VEGFC: variants seen among roughly 807,000 people sequenced by gnomAD.
VEGFC encodes FLT4 ligand DHM.
VEGFC carries 12 observed loss-of-function variants against 46.1 expected under a neutral mutation model. The ratio of observed to expected loss-of-function variants is 0.26; its 90% CI spans 0.17 to 0.42. VEGFC has a LOEUF of 0.42. Among genes scored for constraint, VEGFC ranks in the 10% least tolerant of loss-of-function variants. The probability of loss-of-function intolerance (pLI) is 1.00; values close to 1 mark genes in which losing one functional copy is unlikely to be tolerated. For missense variants in VEGFC, 488 were observed against 529.4 expected, an observed-to-expected ratio of 0.92 and a Z score of 0.77; for synonymous variants, 232 against 195.5, an observed-to-expected ratio of 1.19 and a Z score of -1.56.
At chr4:176,728,316 G>A (rs969597458) in intron 2 of VEGFC, among the ~76,000 whole-genome samples, 2 of 152,150 alleles carry the variant, frequency 1.3e-5, no homozygotes, top group African/African-American at 4.8e-5. Flanking sequence ...GATGTGCAGA[G>A]AGAGTCATGT....
At chr4:176,699,002 AATG>A (rs777738901) in intron 4 of VEGFC, among the ~76,000 whole-genome samples, 2 of 152,348 alleles carry the variant, frequency 1.3e-5, no homozygotes, top group Non-Finnish European at 2.9e-5. Context: ...ATTCAAAATG[AATG>A]ATAACATTAA....
intron 5 of VEGFC, 72 bp downstream of exon 5, chr4:176,687,741 ATGTGTGGT>A (rs1347865287): frequency 9.1e-7 from 1 of 1,097,950 alleles, no homozygotes; most frequent in African/African-American, 1.6e-5. Flanking sequence ...TGAATATTAT[ATGTGTGGT>A]TTTAATATTA....
In VEGFC at chr4:176,792,228, G is replaced by C. The variant is rs375054343; in HGVS notation, c.84C>G (p.Ala28=). Residue 28 remains alanine (A), a synonymous_variant, in exon 1 of 7, where the codon GCC becomes GCG. Transcript: ENST00000618562. The surrounding 1 kb of genome is among the most constrained non-coding windows in gnomAD (Gnocchi z 6.3). ...CGAGTCCGGACTCGAAGGCGGCGGC[G>C]GCGGCGGGCGCCTCGCGAGGACCCG... ...LLPGPREAPA[A]AAAFESGLDL... The C allele has an allele frequency of 2.6e-6, 4 of 1,557,540 alleles. No homozygotes were observed. The highest frequency in any genetic ancestry group is 3.5e-6 in the Non-Finnish European group (4 of 1,155,212).
chr4:176,760,499 T>C (rs943946086), intron 1 of VEGFC, among the ~76,000 whole-genome samples: 11 of 152,212 alleles, frequency 7.2e-5, no homozygotes, highest in Admixed American at 2.0e-4. Context: ...ACTGTCTATA[T>C]ATTCTTAATA....
At chr4:176,694,242 G>T (rs1365434057) in intron 4 of VEGFC, among the ~76,000 whole-genome samples, 3 of 150,284 alleles carry the variant, frequency 2.0e-5, no homozygotes, top group Admixed American at 6.6e-5. Flanking sequence ...CCCATCTCAC[G>T]TGCAGAGACA....
chr4:176,763,963 C>T (rs993622648), intron 1 of VEGFC, among the ~76,000 whole-genome samples: 4 of 152,012 alleles, frequency 2.6e-5, no homozygotes, highest in Non-Finnish European at 5.9e-5. Context: ...AATGTGTTCC[C>T]TTAGTCACTA....
chr4:176,776,596 T>C (rs1007393450), intron 1 of VEGFC, among the ~76,000 whole-genome samples: 1 of 152,178 alleles, frequency 6.6e-6, no homozygotes, highest in African/African-American at 2.4e-5. Flanking sequence ...CAAGGCCACC[T>C]ACAGAAGAGT....
chr4:176,784,827 T>C (rs1466088309), intron 1 of VEGFC, among the ~76,000 whole-genome samples: 1 of 121,406 alleles, frequency 8.2e-6, no homozygotes, highest in East Asian at 2.5e-4. Context: ...AAAGAAAAAA[T>C]TAAAAATTAA....
At chr4:176,738,692 A>G (rs150282138) in intron 1 of VEGFC, among the ~76,000 whole-genome samples, 105 of 152,196 alleles carry the variant, frequency 6.9e-4, no homozygotes, top group African/African-American at 2.3e-3. Flanking sequence ...AAAAGCAAAG[A>G]TTGACGAATG....
intron 1 of VEGFC, among the ~76,000 whole-genome samples, chr4:176,732,008 T>C: frequency 6.6e-6 from 1 of 152,052 alleles, no homozygotes; most frequent in East Asian, 1.9e-4. Context: ...GAAAAGCTAT[T>C]ATATTTATAC....
intron 1 of VEGFC, among the ~76,000 whole-genome samples, chr4:176,764,330 T>C (rs1033716342): frequency 7.9e-5 from 12 of 152,210 alleles, no homozygotes; most frequent in African/African-American, 2.4e-4. Flanking sequence ...TTCACAGAGC[T>C]GGAGAGACAA....
rs1191375448 is a variant in VEGFC at position 176,792,239 on chromosome 4, C to G, written c.73G>C (p.Ala25Pro). 27 of 1,556,802 alleles carry G rather than the reference C, an allele frequency of 1.7e-5. No homozygotes were observed. The highest frequency in any genetic ancestry group is 2.3e-5 in the Non-Finnish European group (26 of 1,154,790). Reference sequence around the variant, plus strand: ...TCGAAGGCGGCGGCGGCGGCGGGCGCCTCGCGAGGACCCGGGAGCAGCGCA... The same window carrying G: ...TCGAAGGCGGCGGCGGCGGCGGGCGGCTCGCGAGGACCCGGGAGCAGCGCA... ...AAALLPGPRE[A>P]PAAAAAFESG... The change falls in exon 1 of 7, where the codon GCG becomes CCG. Residue 25 changes from alanine (A) to proline (P), a missense_variant. Coordinates refer to ENST00000618562, the MANE Select transcript of VEGFC (RefSeq NM_005429.5). This position sits in a 1 kb window ranked among gnomAD's most constrained non-coding sequence, Gnocchi z 6.3.
intron 4 of VEGFC, among the ~76,000 whole-genome samples, chr4:176,710,715 T>C (rs1256135103): frequency 6.6e-6 from 1 of 152,168 alleles, no homozygotes; most frequent in African/African-American, 2.4e-5. Flanking sequence ...AACAAAGGGT[T>C]GCATCCCTAC....
intron 1 of VEGFC, among the ~76,000 whole-genome samples, chr4:176,790,749 A>G (rs1279050855): frequency 6.6e-6 from 1 of 152,250 alleles, no homozygotes; most frequent in Non-Finnish European, 1.5e-5. Context: ...GAAATAGCAA[A>G]TAGGTACTGC....
chr4:176,774,688 A>G (rs1735784622), intron 1 of VEGFC, among the ~76,000 whole-genome samples: 1 of 152,210 alleles, frequency 6.6e-6, no homozygotes, highest in Non-Finnish European at 1.5e-5. Context: ...GACTGTCTTG[A>G]AGATATATTA....
chr4:176,768,411 T>A (rs1259250437), intron 1 of VEGFC, among the ~76,000 whole-genome samples: 1 of 148,546 alleles, frequency 6.7e-6, no homozygotes, highest in Non-Finnish European at 1.5e-5. Flanking sequence ...ACCACTGAGG[T>A]AAAATGAGTG....
intron 1 of VEGFC, among the ~76,000 whole-genome samples, chr4:176,787,823 C>G (rs754803834): frequency 2.6e-5 from 4 of 152,134 alleles, no homozygotes. Context: ...TACACTATAA[C>G]TCAAACTCAT....
intron 4 of VEGFC, among the ~76,000 whole-genome samples, chr4:176,692,411 C>A (rs1427157073): frequency 0.018 from 2,331 of 128,524 alleles, 566 homozygotes; most frequent in African/African-American, 0.088. Context: ...AACAAACAAA[C>A]AAACAAAAAA....
At position 176,754,148 on chromosome 4, in the gene VEGFC, G is replaced by A. The variant is rs1735394254; in HGVS notation, c.148-24402C>T. ...ACTCGAATTTCGAATTCTTTCAATG[G>A]TCAAAACACAGCATTTATCACTGCA... is the stretch of plus-strand genomic sequence containing the variant. On this transcript the variant is annotated intron_variant, in intron 1 of 6. Transcript: ENST00000618562. Among the ~76,000 whole-genome samples the A allele has an allele frequency of 2.0e-5, 3 of 151,600 alleles. No individual in the cohort carries two copies. In the South Asian group the frequency reaches 6.2e-4, roughly 31 times the overall value.
Sources: gnomAD v4.1 joint callset for allele counts (sites outside exome capture counted in the v4.1 genomes callset) on GRCh38, gnomAD v4.1.1 for gene constraint, Gnocchi (gnomAD v3.1) non-coding constraint, MANE v1.5 for transcripts, NCBI Gene and HGNC (gene_info 2026-07-23, HGNC 2026-07-21) for gene names.